PDE10A: variants seen among roughly 807,000 people sequenced by gnomAD.
PDE10A encodes cAMP and cAMP-inhibited cGMP 3',5'-cyclic phosphodiesterase 10A.
PDE10A carries 39 observed loss-of-function variants against 97.7 expected under a neutral mutation model. The ratio of observed to expected loss-of-function variants is 0.40; its 90% confidence interval spans 0.31 to 0.52. The LOEUF is 0.52. Among genes scored for constraint, PDE10A ranks in the 20% least tolerant of loss-of-function variants. The pLI is 0.56. For synonymous variants in PDE10A, 371 were observed against 376.8 expected (o/e 0.98, Z 0.18); for missense variants, 731 against 1,047.8 (o/e 0.70, Z 4.17).
chr6:165,710,364 C>T (rs900435644), intron 1 of PDE10A, among the ~76,000 whole-genome samples: 34 of 152,290 alleles, frequency 2.2e-4, no homozygotes, highest in Admixed American at 1.9e-3. Flanking sequence ...CCTTGCGTAG[C>T]GCTCTCACCT....
intron 18 of PDE10A, among the ~76,000 whole-genome samples, chr6:165,350,867 CT>C (rs1782646671): frequency 6.6e-6 from 1 of 152,162 alleles, no homozygotes; most frequent in African/African-American, 2.4e-5. Flanking sequence ...TTTGCTTCCC[CT>C]TCCATCATGA....
At chr6:165,645,771 T>C (rs867807284) in intron 1 of PDE10A, among the ~76,000 whole-genome samples, 2 of 145,850 alleles carry the variant, frequency 1.4e-5, no homozygotes, top group South Asian at 2.2e-4. Flanking sequence ...GGAGAATTGC[T>C]TGAACCTGGG....
chr6:165,875,746 T>TTTTTTGTG (rs780504850), intron 1 of PDE10A, among the ~76,000 whole-genome samples: 4,735 of 147,028 alleles, frequency 0.032, 95 homozygotes, highest in Middle Eastern at 0.045. Flanking sequence ...TTTTTTTTTT[T>TTTTTTGTG]TGTGTGTGTG....
At chr6:165,416,763 A>T (rs892752847) in intron 11 of PDE10A, among the ~76,000 whole-genome samples, 6 of 152,206 alleles carry the variant, frequency 3.9e-5, no homozygotes, top group African/African-American at 1.4e-4. Flanking sequence ...CACAGGTTAC[A>T]CGTGAGCTTG....
intron 1 of PDE10A, among the ~76,000 whole-genome samples, chr6:165,973,579 A>T (rs908098740): frequency 6.6e-6 from 1 of 152,134 alleles, no homozygotes; most frequent in African/African-American, 2.4e-5. Flanking sequence ...TATGAAAAAA[A>T]AAAAAATTCT....
At chr6:165,563,789 G>C (rs186974234) in intron 1 of PDE10A, among the ~76,000 whole-genome samples, 12 of 152,086 alleles carry the variant, frequency 7.9e-5, no homozygotes, top group Non-Finnish European at 1.0e-4. Flanking sequence ...TACTTGGGAG[G>C]CTGGGACACA....
At chr6:165,563,706 C>T (rs1784635821) in intron 1 of PDE10A, among the ~76,000 whole-genome samples, 1 of 151,974 alleles carries the variant, frequency 6.6e-6, no homozygotes, top group Non-Finnish European at 1.5e-5. Context: ...GACTGGCCAA[C>T]ATAGTGAAAA....
intron 1 of PDE10A, among the ~76,000 whole-genome samples, chr6:165,876,524 T>C (rs1013221361): frequency 6.6e-6 from 1 of 152,172 alleles, no homozygotes; most frequent in Non-Finnish European, 1.5e-5. Context: ...ACTATTCCCA[T>C]GTAAAAACTG....
intron 1 of PDE10A, among the ~76,000 whole-genome samples, chr6:165,865,916 C>A (rs1213271201): frequency 6.6e-6 from 1 of 151,972 alleles, no homozygotes; most frequent in African/African-American, 2.4e-5. Context: ...TATACACATC[C>A]AAATACAGGA....
chr6:165,731,094 C>T (rs1280071007), intron 1 of PDE10A, among the ~76,000 whole-genome samples: 1 of 152,154 alleles, frequency 6.6e-6, no homozygotes, highest in Admixed American at 6.5e-5. Context: ...GAACCCACGC[C>T]CCATGCCGCG....
At chr6:165,791,555 T>C (rs1778650075) in intron 1 of PDE10A, among the ~76,000 whole-genome samples, 1 of 152,138 alleles carries the variant, frequency 6.6e-6, no homozygotes, top group Admixed American at 6.5e-5. Context: ...CCGATTTCTG[T>C]CCACACTTTC....
At chr6:165,547,669 C>T (rs1254171437) in intron 1 of PDE10A, among the ~76,000 whole-genome samples, 1 of 152,094 alleles carries the variant, frequency 6.6e-6, no homozygotes, top group African/African-American at 2.4e-5. Flanking sequence ...AATGGATAAA[C>T]ACCACAGCAG....
chr6:165,520,750 G>A (rs545722569), intron 2 of PDE10A, among the ~76,000 whole-genome samples: 1 of 152,246 alleles, frequency 6.6e-6, no homozygotes, highest in South Asian at 2.1e-4. Context: ...TAGTTGGCCA[G>A]GAATTAAGAA....
chr6:165,416,112 G>T, intron 12 of PDE10A, 77 bp downstream of exon 12: 4 of 921,994 alleles, frequency 4.3e-6, no homozygotes, highest in Non-Finnish European at 7.2e-6. Flanking sequence ...GAGAACTCAG[G>T]CTCCACGGAA....
chr6:165,732,486 G>A (rs1233781536), intron 1 of PDE10A, among the ~76,000 whole-genome samples: 8 of 152,188 alleles, frequency 5.3e-5, no homozygotes, highest in Admixed American at 2.6e-4. Context: ...GCACACAGTC[G>A]CAGGTGGGCG....
chr6:165,530,611 C>T (rs1479301711), intron 2 of PDE10A, among the ~76,000 whole-genome samples: 1 of 20,942 alleles, frequency 4.8e-5, no homozygotes, highest in Non-Finnish European at 5.1e-4. Flanking sequence ...GCACATGTAC[C>T]CCCCCCACGA....
chr6:165,680,256 T>A (rs6456004), intron 1 of PDE10A, among the ~76,000 whole-genome samples: 130,079 of 152,258 alleles, frequency 0.85, 55,908 homozygotes, highest in South Asian at 0.92. Flanking sequence ...CAAAAAGAGA[T>A]TAAAGGCGGA....
chr6:165,795,421 G>C (rs1426025333), intron 1 of PDE10A, among the ~76,000 whole-genome samples: 1 of 152,058 alleles, frequency 6.6e-6, no homozygotes, highest in Non-Finnish European at 1.5e-5. Flanking sequence ...CATCACCTGT[G>C]ACTGGCATAA....
intron 1 of PDE10A, among the ~76,000 whole-genome samples, chr6:165,895,868 C>T (rs1003372744): frequency 6.6e-6 from 1 of 152,196 alleles, no homozygotes; most frequent in Admixed American, 6.5e-5. Context: ...GAGCCATCCT[C>T]CCCTGGTCCT....
Sources: gnomAD v4.1 joint callset for allele counts (sites outside exome capture counted in the v4.1 genomes callset) on GRCh38, gnomAD v4.1.1 for gene constraint, MANE v1.5 for transcripts, NCBI Gene and HGNC (gene_info 2026-07-23, HGNC 2026-07-21) for gene names.